Variants in ATRNL1 observed in about 807,000 individuals in gnomAD.
ATRNL1 encodes attractin-like protein 1.
ATRNL1 carries 95 observed loss-of-function variants against 182.7 expected under a neutral mutation model. The ratio of observed to expected loss-of-function variants is 0.52; its 90% CI spans 0.44 to 0.62. ATRNL1 has a LOEUF of 0.62. Ranked by LOEUF, ATRNL1 falls within the 20% of genes least tolerant of loss-of-function variation. The pLI is 0.00. For synonymous variants in ATRNL1, 576 were observed against 568.3 expected (o/e 1.01, Z -0.19); for missense variants, 1,471 against 1,679.5 (o/e 0.88, Z 2.17).
At chr10:115,786,770 A>G (rs782278259) in intron 27 of ATRNL1, among the ~76,000 whole-genome samples, 11 of 152,166 alleles carry the variant, frequency 7.2e-5, no homozygotes, top group Non-Finnish European at 1.3e-4. Flanking sequence ...AGGTGACAAG[A>G]CACTAATATT....
rs1008332132 is a variant in ATRNL1, at chr10:115,670,326, A to G, written c.3796-56922A>G. 5.3e-5 allele frequency among the ~76,000 whole-genome samples: 8 copies of G among 152,092 alleles called. No individual in the cohort carries two copies. The East Asian group carries it at 1.5e-3, about 29-fold the overall frequency. ...TGCTATTGAAAGACAATGAAAGCACATTTGCTCATTTAATTAGTTCCAGTC... is the reference window on the plus strand; with the variant it reads ...TGCTATTGAAAGACAATGAAAGCACGTTTGCTCATTTAATTAGTTCCAGTC... On this transcript the variant is annotated intron_variant, in intron 26 of 28. Coordinates refer to ENST00000355044, the MANE Select transcript of ATRNL1 (RefSeq NM_207303.4).
At chr10:115,232,097 C>G (rs747134909) in intron 9 of ATRNL1, among the ~76,000 whole-genome samples, 19 of 152,068 alleles carry the variant, frequency 1.2e-4, no homozygotes, top group Non-Finnish European at 2.5e-4. Flanking sequence ...ATTTAGTCTT[C>G]TATTGTTTCA....
chr10:115,580,270 A>G (rs1854987963), intron 26 of ATRNL1, among the ~76,000 whole-genome samples: 1 of 152,116 alleles, frequency 6.6e-6, no homozygotes, highest in Admixed American at 6.6e-5. Flanking sequence ...TTCCTACAGC[A>G]TTTCTCATAA....
rs201388160 is a variant in ATRNL1 at position 115,585,773 on chromosome 10, G to T, written c.3795+36237G>T. 2.7e-4 allele frequency among the ~76,000 whole-genome samples: 17 copies of T among 63,612 alleles called. 1 individual carries two copies. The highest frequency in any genetic ancestry group is 2.5e-3 in the East Asian group (9 of 3,596). The allele number at this position is 63,612 out of a possible 152,430, so 41.7% of individuals were successfully genotyped here. Reference sequence around the variant, plus strand: ...TTTACGTTTAAAGTTAATATTGTTAGGTGTGAATTTGATCCTGTCATTATG... The same window carrying T: ...TTTACGTTTAAAGTTAATATTGTTATGTGTGAATTTGATCCTGTCATTATG... On this transcript the variant is annotated intron_variant, in intron 26 of 28. Coordinates refer to ENST00000355044, the MANE Select transcript of ATRNL1 (RefSeq NM_207303.4).
intron 27 of ATRNL1, among the ~76,000 whole-genome samples, chr10:115,809,987 AT>A (rs1555086589): frequency 1.3e-5 from 2 of 151,618 alleles, no homozygotes; most frequent in African/African-American, 4.8e-5. Context: ...TTGCTGAGAA[AT>A]TTTTTTTAGG....
chr10:115,114,823 AT>A (rs1395598901), intron 1 of ATRNL1, among the ~76,000 whole-genome samples: 1 of 152,098 alleles, frequency 6.6e-6, no homozygotes, highest in African/African-American at 2.4e-5. Context: ...TTGAAAAAAA[AT>A]ATGGAGGTTC....
At chr10:115,673,375 G>A (rs782028411) in intron 26 of ATRNL1, among the ~76,000 whole-genome samples, 2 of 151,992 alleles carry the variant, frequency 1.3e-5, no homozygotes, top group African/African-American at 2.4e-5. Context: ...GGCCCCATGA[G>A]CATCTTGCAA....
chr10:115,571,500 G>C lies in ATRNL1; in HGVS notation c.3795+21964G>C, dbSNP rs1365667692. Reference sequence around the variant, plus strand: ...TTTGGGCTTTCTGTTAGCTTCTGTTGAATTACCCATCCAGACACTACTACT... The same window carrying C: ...TTTGGGCTTTCTGTTAGCTTCTGTTCAATTACCCATCCAGACACTACTACT... On this transcript the variant is annotated intron_variant, in intron 26 of 28. Coordinates refer to ENST00000355044, the MANE Select transcript of ATRNL1 (RefSeq NM_207303.4). Among the ~76,000 whole-genome samples the C allele has an allele frequency of 2.0e-5, 3 of 152,230 alleles. No individual in the cohort carries two copies. In the East Asian group the frequency reaches 5.8e-4, roughly 29 times the overall value.
At chr10:115,304,184 C>T (rs1183104939) in intron 17 of ATRNL1, among the ~76,000 whole-genome samples, 1 of 152,150 alleles carries the variant, frequency 6.6e-6, no homozygotes, top group Non-Finnish European at 1.5e-5. Context: ...TCATAAGTAT[C>T]TTCAGGACTT....
chr10:115,129,472 C>A lies in ATRNL1; in HGVS notation c.766C>A (p.Pro256Thr). 6 of 1,614,044 alleles carry A rather than the reference C, an allele frequency of 3.7e-6. No individual in the cohort carries two copies. The highest frequency in any genetic ancestry group is 5.1e-6 in the Non-Finnish European group (6 of 1,180,008). The change falls in exon 5 of 29, where the codon CCA (proline) becomes ACA (threonine). Residue 256 changes from proline to threonine, a missense_variant. Physicochemically the swap from Pro to Thr is conservative, Grantham distance 38. Around this residue, in one of 3 missense-constraint regions of ATRNL1, gnomAD observed 1,031 missense variants for 1,156.0 expected, o/e 0.89. Coordinates refer to ENST00000355044, the MANE Select transcript of ATRNL1 (RefSeq NM_207303.4). Reference protein sequence around the residue: ...IPYCKANCGSPDHGYCDLTGE... With the variant: ...IPYCKANCGSTDHGYCDLTGE... ...TTACTGTAAAGCCAATTGCGGCAGT[C>A]CAGATCACGGTTACTGTGACCTGAC...
chr10:115,656,948 T>C (rs1190751571), intron 26 of ATRNL1, among the ~76,000 whole-genome samples: 2 of 152,196 alleles, frequency 1.3e-5, no homozygotes, highest in African/African-American at 4.8e-5. Context: ...CAATGTTTAA[T>C]ATTAGAAGTG....
chr10:115,940,803 G>A (rs1283590789), intron 28 of ATRNL1, among the ~76,000 whole-genome samples: 9 of 151,814 alleles, frequency 5.9e-5, no homozygotes, highest in Non-Finnish European at 1.3e-4. Context: ...TCTCTTGTAG[G>A]TTGAAAGAGA....
At chr10:115,586,636 A>G (rs1162323297) in intron 26 of ATRNL1, among the ~76,000 whole-genome samples, 1 of 115,974 alleles carries the variant, frequency 8.6e-6, no homozygotes, top group Non-Finnish European at 1.9e-5. Context: ...TGTATTGGTT[A>G]TTCTAGTTAT....
chr10:115,871,474 TG>T (rs1951582704), intron 28 of ATRNL1, among the ~76,000 whole-genome samples: 1 of 3,206 alleles, frequency 3.1e-4, no homozygotes, highest in Non-Finnish European at 0.015. Flanking sequence ...ATTCTTTGTG[TG>T]TGTGTATATA....
At chr10:115,723,739 G>T (rs550631047) in intron 26 of ATRNL1, among the ~76,000 whole-genome samples, 8 of 151,748 alleles carry the variant, frequency 5.3e-5, no homozygotes, top group African/African-American at 1.7e-4. Flanking sequence ...TTATTTTTTA[G>T]CAGAGACAGG....
intron 26 of ATRNL1, among the ~76,000 whole-genome samples, chr10:115,563,246 C>T (rs1853865205): frequency 6.6e-6 from 1 of 152,104 alleles, no homozygotes; most frequent in Non-Finnish European, 1.5e-5. Flanking sequence ...TATAGTTTCC[C>T]TGAATTTTGT....
Position 115,093,877 on chromosome 10 carries a change from C to A in ATRNL1, c.127C>A (p.Leu43Met). Residue 43 changes from leucine to methionine, a missense_variant, in exon 1 of 29, where the codon CTG (leucine) becomes ATG (methionine). Physicochemically the swap from Leu to Met is conservative, Grantham distance 15. Around this residue, in one of 3 missense-constraint regions of ATRNL1, gnomAD observed 1,031 missense variants for 1,156.0 expected, o/e 0.89. Coordinates refer to ENST00000355044, the MANE Select transcript of ATRNL1 (RefSeq NM_207303.4). This position sits in a 1 kb window ranked among gnomAD's most constrained non-coding sequence, Gnocchi z 6.1. ...SSWLLDGNSW[L>M]LCYGFLYLAL... Reference sequence around the variant, plus strand: ...CTGGCTGCTGGACGGGAACAGCTGGCTGCTGTGCTATGGCTTCCTCTACCT... The same window carrying A: ...CTGGCTGCTGGACGGGAACAGCTGGATGCTGTGCTATGGCTTCCTCTACCT... 6.3e-7 allele frequency: 1 copy of A among 1,586,394 alleles called. No individual in the cohort carries two copies. Among genetic ancestry groups the A allele is most frequent in the African/African-American group, 1.4e-5 (1 of 72,524 alleles).
chr10:115,891,805 A>G (rs182142551), intron 28 of ATRNL1, among the ~76,000 whole-genome samples: 1 of 152,312 alleles, frequency 6.6e-6, no homozygotes, highest in Admixed American at 6.5e-5. Context: ...CAGGTAAGCT[A>G]GTAAAAGTTT....
At chr10:115,866,613 A>T (rs1589623261) in intron 28 of ATRNL1, among the ~76,000 whole-genome samples, 1 of 152,192 alleles carries the variant, frequency 6.6e-6, no homozygotes. Flanking sequence ...TCTACAGTTT[A>T]TGCCTTTAAT....
Sources: allele counts gnomAD v4.1 joint callset (sites outside exome capture counted in the v4.1 genomes callset), GRCh38; gene constraint gnomAD v4.1.1; regional missense constraint gnomAD v4.1.1; non-coding constraint Gnocchi (gnomAD v3.1); transcripts MANE v1.5; gene names NCBI Gene and HGNC (gene_info 2026-07-23, HGNC 2026-07-21).